The following KIF5A variants were observed in gnomAD, a reference collection of about 807,000 sequenced individuals.
KIF5A encodes the protein kinesin heavy chain isoform 5A.
In KIF5A, 35 loss-of-function variants were observed where a neutral mutation model predicts 141.3. The ratio of observed to expected loss-of-function variants is 0.25; its 90% CI spans 0.19 to 0.33. The LOEUF (loss-of-function observed/expected upper bound fraction) is 0.33. Ranked by LOEUF, KIF5A falls within the 10% of genes least tolerant of loss-of-function variation. The pLI is 1.00. For missense variants in KIF5A, 861 were observed against 1,314.3 expected (o/e 0.66, Z 5.33); for synonymous variants, 448 against 500.2 (o/e 0.90, Z 1.39).
chr12:57,557,929 A>G (rs1881794077), intron 1 of KIF5A, among the ~76,000 whole-genome samples: 1 of 152,216 alleles, frequency 6.6e-6, no homozygotes. Flanking sequence ...GGATATGAAA[A>G]GGTTTATATT....
chr12:57,581,988 TC>T, intron 26 of KIF5A, 36 bp downstream of exon 26: 1 of 1,547,642 alleles, frequency 6.5e-7, no homozygotes, highest in East Asian at 2.2e-5. Context: ...ACCTTTGGGG[TC>T]CTCAGGGCAA....
intron 6 of KIF5A, 68 bp from the exon 7 acceptor site, chr12:57,567,058 A>AAAAT: frequency 1.2e-6 from 1 of 866,408 alleles, no homozygotes; most frequent in Non-Finnish European, 1.7e-6. Flanking sequence ...AATAATAATA[A>AAAAT]AAATAAATAA....
At chr12:57,564,240 C>A in intron 4 of KIF5A, 28 bp downstream of exon 4, 1 of 1,451,458 alleles carries the variant, frequency 6.9e-7, no homozygotes, top group Non-Finnish European at 9.7e-7. Context: ...GCTGGGCATT[C>A]AGATGGGGAC....
At chr12:57,551,042 C>T (rs1046651300) in intron 1 of KIF5A, among the ~76,000 whole-genome samples, 1 of 152,012 alleles carries the variant, frequency 6.6e-6, no homozygotes, top group Admixed American at 6.6e-5. Context: ...CTTTTGGTCC[C>T]AGGTACAGTA....
chr12:57,555,824 G>A (rs1319337008), intron 1 of KIF5A, among the ~76,000 whole-genome samples: 1 of 146,944 alleles, frequency 6.8e-6, no homozygotes, highest in Non-Finnish European at 1.5e-5. Context: ...CAGGAGAATC[G>A]CTTGAACCTG....
intron 15 of KIF5A, among the ~76,000 whole-genome samples, chr12:57,574,570 C>A (rs560713154): frequency 7.1e-4 from 104 of 146,038 alleles, no homozygotes; most frequent in African/African-American, 2.3e-3. Context: ...CCGAGCCCGG[C>A]CCAGAATTGG....
intron 1 of KIF5A, among the ~76,000 whole-genome samples, chr12:57,555,666 T>C (rs1881710726): frequency 6.6e-6 from 1 of 151,314 alleles, no homozygotes; most frequent in Admixed American, 6.6e-5. Flanking sequence ...ATCTCAGCAC[T>C]TTGGGAGACA....
At chr12:57,569,120 C>A in intron 9 of KIF5A, 53 bp downstream of exon 9, 1 of 1,557,266 alleles carries the variant, frequency 6.4e-7, no homozygotes, top group South Asian at 1.1e-5. Context: ...ATCTCCTCCC[C>A]CACCTGCTAA....
At chr12:57,568,593 C>T (rs1406114244) in intron 8 of KIF5A, among the ~76,000 whole-genome samples, 5 of 152,074 alleles carry the variant, frequency 3.3e-5, no homozygotes, top group Admixed American at 3.3e-4. Flanking sequence ...GGCGTGGTGG[C>T]ACATGCCTGT....
Position 57,575,075 on chromosome 12 carries a change from T to TC in KIF5A, c.1717-8dup. On this transcript the variant is annotated splice_polypyrimidine_tract_variant and intron_variant, in intron 15 of 28. Coordinates refer to ENST00000455537, the MANE Select transcript of KIF5A (RefSeq NM_004984.4). Reference sequence around the variant, plus strand: ...CAAGAAGCATCTCTTCCTCCTTTAATCACCTTAGCCAGTGGAGATCAGTGG... The same window carrying TC: ...CAAGAAGCATCTCTTCCTCCTTTAATCCACCTTAGCCAGTGGAGATCAGTGG... The TC allele has an allele frequency of 6.2e-7, 1 of 1,613,988 alleles. No homozygotes were observed. The highest frequency in any genetic ancestry group is 8.5e-7 in the Non-Finnish European group (1 of 1,179,880).
intron 1 of KIF5A, among the ~76,000 whole-genome samples, chr12:57,556,020 G>C (rs1328740152): frequency 1.3e-5 from 2 of 151,964 alleles, no homozygotes; most frequent in Admixed American, 1.3e-4. Flanking sequence ...GAATTTTAGA[G>C]CCCAGCCAAG....
rs749874893 is a variant in KIF5A at position 57,564,990 on chromosome 12, G to T, written c.501+17G>T. On this transcript the variant is annotated intron_variant, in intron 6 of 28. Transcript: ENST00000455537. Reference sequence around the variant, plus strand: ...TTTGTCAAGGTGAGAGTGGGTGTGGGGCACCTATGTGGGGCCAGTGTATTG... The same window carrying T: ...TTTGTCAAGGTGAGAGTGGGTGTGGTGCACCTATGTGGGGCCAGTGTATTG... The T allele has an allele frequency of 5.0e-6, 8 of 1,612,522 alleles. No individual in the cohort carries two copies. Among genetic ancestry groups the T allele is most frequent in the Non-Finnish European group, 6.8e-6 (8 of 1,178,644 alleles).
At chr12:57,573,759 C>T (rs149513632) in intron 15 of KIF5A, among the ~76,000 whole-genome samples, 2,662 of 145,162 alleles carry the variant, frequency 0.018, 75 homozygotes, top group African/African-American at 0.062. Flanking sequence ...AACCTGGAGG[C>T]GGAGGTTGCA....
Position 57,572,389 on chromosome 12 carries a change from T to C in KIF5A, c.1569+122T>C, listed in dbSNP as rs1174693174. The C allele has an allele frequency of 1.2e-5, 15 of 1,241,224 alleles. No homozygotes were observed. The highest frequency in any genetic ancestry group is 1.6e-5 in the Non-Finnish European group (14 of 867,116). The allele number at this position is 1,241,224 out of a possible 1,614,324, so 76.9% of individuals were successfully genotyped here. On this transcript the variant is annotated intron_variant, in intron 14 of 28. Coordinates refer to ENST00000455537, the MANE Select transcript of KIF5A (RefSeq NM_004984.4). The surrounding 1 kb of genome is among the most constrained non-coding windows in gnomAD (Gnocchi z 4.2). ...CACCTCTGCACTGCTGTTCAGTGCA[T>C]TGTGAGTCCCTCCCCAACCCTGTCA... is the stretch of plus-strand genomic sequence containing the variant.
rs936445403 is a variant in KIF5A, at chr12:57,572,466, T to C, written c.1570-114T>C. 33 of 1,423,602 alleles carry C rather than the reference T, an allele frequency of 2.3e-5. No individual in the cohort carries two copies. The highest frequency in any genetic ancestry group is 1.2e-5 in the South Asian group (1 of 82,970). The allele number at this position is 1,423,602 out of a possible 1,614,324, so 88.2% of individuals were successfully genotyped here. On this transcript the variant is annotated intron_variant, in intron 14 of 28. Transcript: ENST00000455537. This position sits in a 1 kb window ranked among gnomAD's most constrained non-coding sequence, Gnocchi z 4.2. ...GTCTTTCAGACTCTTCTGCAGGGCCTGTGTTCTCTTCATAGCAGCCCTCAG... is the reference window on the plus strand; with the variant it reads ...GTCTTTCAGACTCTTCTGCAGGGCCCGTGTTCTCTTCATAGCAGCCCTCAG...
At chr12:57,562,517 A>G (rs1312385324) in intron 1 of KIF5A, among the ~76,000 whole-genome samples, 2 of 152,176 alleles carry the variant, frequency 1.3e-5, no homozygotes, top group Non-Finnish European at 2.9e-5. Context: ...TGCCCGACCC[A>G]CAGTTCTTCT....
At chr12:57,577,483 T>C (rs1397530242) in intron 20 of KIF5A, among the ~76,000 whole-genome samples, 2 of 152,108 alleles carry the variant, frequency 1.3e-5, no homozygotes, top group African/African-American at 4.8e-5. Flanking sequence ...TGGTCCCAGA[T>C]GCTTGGGAGG....
chr12:57,571,297 G>A (rs1160315947), intron 12 of KIF5A, 24 bp from the exon 13 acceptor site: 2 of 1,432,542 alleles, frequency 1.4e-6, no homozygotes, highest in Non-Finnish European at 2.0e-6. Context: ...CCCTTCACCT[G>A]TCTTTCCCTG....
In KIF5A at chr12:57,577,751, T is replaced by A; in HGVS notation, c.2339T>A (p.Leu780His). The A allele has an allele frequency of 1.2e-6, 2 of 1,613,896 alleles. No individual in the cohort carries two copies. The highest frequency in any genetic ancestry group is 4.5e-5 in the East Asian group (2 of 44,886). Residue 780 changes from leucine to histidine, a missense_variant, in exon 21 of 29, where the codon CTC (leucine) becomes CAC (histidine). Transcript: ENST00000455537. ...YERHEQSKQDLKGLEETVARE... is the reference protein window; with the variant it reads ...YERHEQSKQDHKGLEETVARE... ...CGACATGAGCAGTCCAAGCAGGACCTCAAGGGTCTGGAGGAGACAGTTGTG... is the reference window on the plus strand; with the variant it reads ...CGACATGAGCAGTCCAAGCAGGACCACAAGGGTCTGGAGGAGACAGTTGTG...
Sources: gnomAD v4.1 joint callset for allele counts (sites outside exome capture counted in the v4.1 genomes callset) on GRCh38, gnomAD v4.1.1 for gene constraint, Gnocchi (gnomAD v3.1) non-coding constraint, MANE v1.5 for transcripts, NCBI Gene and HGNC (gene_info 2026-07-23, HGNC 2026-07-21) for gene names.